The following SPATA31D1 variants were observed in gnomAD, a reference collection of about 807,000 sequenced individuals.
SPATA31D1 encodes spermatogenesis-associated protein 31D1.
A neutral mutation model predicts 13.2 loss-of-function variants in SPATA31D1; 6 were observed. The observed-to-expected ratio is 0.46, with a 90% CI of 0.25 to 0.90. SPATA31D1 has a LOEUF of 0.90. Ranked by LOEUF, SPATA31D1 falls within the 40% of genes least tolerant of loss-of-function variation. SPATA31D1 has a pLI of 0.18. For missense variants in SPATA31D1, 2,445 were observed against 1,884.7 expected, an observed-to-expected ratio of 1.30 and a Z score of -5.50; for synonymous variants, 903 against 718.8, an observed-to-expected ratio of 1.26 and a Z score of -4.10.
chr9:81,994,865 C>T lies in SPATA31D1; in HGVS notation c.4395C>T (p.Ser1465=), dbSNP rs761473977. ...QGCPCNYRAP[S]CKVTRTKSCS... ...GTCCCTGCAACTACAGGGCTCCCTC[C>T]TGCAAAGTGACACGTACCAAATCTT... The change falls in exon 4 of 4, where the codon TCC becomes TCT. Residue 1465 remains serine, a synonymous_variant. Coordinates refer to ENST00000344803, the MANE Select transcript of SPATA31D1 (RefSeq NM_001001670.3). The T allele has an allele frequency of 8.1e-6, 13 of 1,613,856 alleles. No homozygotes were observed. The highest frequency in any genetic ancestry group is 1.3e-5 in the African/African-American group (1 of 74,920).
chr9:81,989,709 AATG>A (rs1824914519), intron 1 of SPATA31D1, 66 bp from the exon 2 acceptor site: 1 of 1,498,176 alleles, frequency 6.7e-7, no homozygotes, highest in African/African-American at 1.4e-5. Context: ...TGAATGAATG[AATG>A]AATGAGCTTC....
chr9:81,988,834 T>C lies in SPATA31D1; in HGVS notation c.16T>C (p.Cys6Arg), dbSNP rs369117448. The change falls in exon 1 of 4, where the codon TGT becomes CGT. Residue 6 changes from cysteine to arginine, a missense_variant. By Grantham distance (180) the Cys-to-Arg change is radical. Transcript: ENST00000344803. ...TATTCAGACCATGGAGAATATCCTC[T>C]GTTTTCTGAACAGCTATACTGAGAC... MENIL[C>R]FLNSYTETGL... 106 of 1,612,724 alleles carry C rather than the reference T, an allele frequency of 6.6e-5. No individual in the cohort carries two copies. Among genetic ancestry groups the C allele is most frequent in the Non-Finnish European group, 8.6e-5 (101 of 1,179,732 alleles).
At chr9:81,989,692 G>A in intron 1 of SPATA31D1, 86 bp from the exon 2 acceptor site, 1 of 1,270,674 alleles carries the variant, frequency 7.9e-7, no homozygotes, top group Non-Finnish European at 1.1e-6. Flanking sequence ...TATAATGAAT[G>A]AATGAATGAA....
Position 81,994,607 on chromosome 9 carries a change from C to T in SPATA31D1, c.4137C>T (p.Ser1379=). The change falls in exon 4 of 4, where the codon AGC becomes AGT. Residue 1379 remains serine, a synonymous_variant. Coordinates refer to ENST00000344803, the MANE Select transcript of SPATA31D1 (RefSeq NM_001001670.3). ...EEQESSWEKG[S]SLSSCVQNIG... ...AAGAAAGTTCCTGGGAAAAGGGTAG[C>T]TCCCTGTCATCATGTGTGCAGAATA... 1 of 1,613,008 alleles carries T rather than the reference C, an allele frequency of 6.2e-7. No homozygotes were observed. Among genetic ancestry groups the T allele is most frequent in the Non-Finnish European group, 8.5e-7 (1 of 1,179,442 alleles).
At position 81,992,119 on chromosome 9, in the gene SPATA31D1, C is replaced by G; in HGVS notation, c.1649C>G (p.Pro550Arg). The change falls in exon 4 of 4, where the codon CCC (proline) becomes CGC (arginine). Residue 550 changes from proline to arginine, a missense_variant. Transcript: ENST00000344803. ...CATGAATCCCCAGTACTTCCCCCTC[C>G]CCAACCTCTGTCCTTGCCTAGTACC... ...ISHESPVLPP[P>R]QPLSLPSTQP... is the part of the protein sequence containing the mutation. 6 of 1,613,724 alleles carry G rather than the reference C, an allele frequency of 3.7e-6. No homozygotes were observed. Among genetic ancestry groups the G allele is most frequent in the Non-Finnish European group, 5.1e-6 (6 of 1,179,718 alleles).
chr9:81,992,669 T>C lies in SPATA31D1; in HGVS notation c.2199T>C (p.Asn733=). Residue 733 remains asparagine, a synonymous_variant, in exon 4 of 4, where the codon AAT becomes AAC. Transcript: ENST00000344803. ...SVSERIHGPL[N]ISLVEGQRCN... The stretch of plus-strand genomic sequence containing the variant: ...CAGAGAGAATTCATGGACCGTTAAA[T>C]ATCTCTTTGGTTGAGGGTCAGAGGT... 1 of 1,613,836 alleles carries C rather than the reference T, an allele frequency of 6.2e-7. No homozygotes were observed. The highest frequency in any genetic ancestry group is 1.7e-5 in the Admixed American group (1 of 60,022).
Position 81,991,640 on chromosome 9 carries a change from A to T in SPATA31D1, c.1170A>T (p.Leu390Phe). The change falls in exon 4 of 4, where the codon TTA becomes TTT. Residue 390 changes from leucine (L) to phenylalanine (F), a missense_variant. By Grantham distance (22) the Leu-to-Phe change is conservative. Transcript: ENST00000344803. ...CCCTTCATTCTTCTGAGGCCTTTTT[A>T]GGGGGGCACTCTGTGGCCAACCTCA... The part of the protein sequence containing the change: ...LLTLHSSEAF[L>F]GGHSVANLIE... 6.2e-7 allele frequency: 1 copy of T among 1,613,860 alleles called. No individual in the cohort carries two copies. The highest frequency in any genetic ancestry group is 8.5e-7 in the Non-Finnish European group (1 of 1,179,868).
chr9:81,990,968 T>C lies in SPATA31D1; in HGVS notation c.498T>C (p.Thr166=), dbSNP rs753217531. Residue 166 remains threonine, a synonymous_variant, in exon 4 of 4, where the codon ACT becomes ACC. Coordinates refer to ENST00000344803, the MANE Select transcript of SPATA31D1 (RefSeq NM_001001670.3). ...VSPLASSASA[T]ESSFTLASTP... ...CTTTGGCTTCTTCGGCTTCTGCGAC[T>C]GAGTCATCGTTCACTCTGGCTTCCA... 86 of 1,613,770 alleles carry C rather than the reference T, an allele frequency of 5.3e-5. No individual in the cohort carries two copies. Among genetic ancestry groups the C allele is most frequent in the Admixed American group, 5.0e-5 (3 of 59,996 alleles).
chr9:81,990,059 T>A, intron 2 of SPATA31D1: 4 of 535,480 alleles, frequency 7.5e-6, no homozygotes, highest in Non-Finnish European at 1.3e-5. Flanking sequence ...TGTTGCCCAA[T>A]TGGTGGCCAA....
rs905909716 is a variant in SPATA31D1, at chr9:81,989,112, G to A, written c.186+108G>A. 2.1e-5 allele frequency: 31 copies of A among 1,466,794 alleles called. No individual in the cohort carries two copies. The Middle Eastern group carries it at 7.6e-4, about 36-fold the overall frequency. The allele number at this position is 1,466,794 out of a possible 1,614,324, so 90.9% of individuals were successfully genotyped here. A position where few individuals can be genotyped will look rare whatever the true frequency, so the allele number is the denominator to read the frequency against. On this transcript the variant is annotated intron_variant, in intron 1 of 3. Transcript: ENST00000344803. ...GTTGGTACAGAGACATGTTTTAGAT[G>A]GGAAGTCTGAAGAGAGGATAGAACT...
rs1335054769 is a variant in SPATA31D1 at position 81,994,905 on chromosome 9, A to G, written c.4435A>G (p.Ile1479Val). ...TRTKSCSQQA[I>V]FVGQNYPTRI... ...TACCAAATCTTGCAGCCAACAAGCT[A>G]TCTTTGTTGGCCAGAATTATCCTAC... The change falls in exon 4 of 4, where the codon ATC becomes GTC. Residue 1479 changes from isoleucine (I) to valine (V), a missense_variant. By Grantham distance (29) the Ile-to-Val change is conservative. Coordinates refer to ENST00000344803, the MANE Select transcript of SPATA31D1 (RefSeq NM_001001670.3). The G allele has an allele frequency of 2.5e-6, 4 of 1,614,002 alleles. No individual in the cohort carries two copies. The highest frequency in any genetic ancestry group is 1.7e-5 in the Admixed American group (1 of 60,028).
Position 81,993,952 on chromosome 9 carries a change from T to C in SPATA31D1, c.3482T>C (p.Leu1161Ser). Residue 1161 changes from leucine (L) to serine (S), a missense_variant, in exon 4 of 4, where the codon TTG (leucine) becomes TCG (serine). Leu to Ser is a moderately radical substitution (Grantham distance 145). Coordinates refer to ENST00000344803, the MANE Select transcript of SPATA31D1 (RefSeq NM_001001670.3). ...CTTCAATCACAAACTAGGAACAACT[T>C]GACAACCAGCAAGTCAGGAAGCTGC... ...NALQSQTRNNLTTSKSGSCSL... is the reference protein window; with the variant it reads ...NALQSQTRNNSTTSKSGSCSL... The C allele has an allele frequency of 6.2e-7, 1 of 1,613,834 alleles. No homozygotes were observed. Among genetic ancestry groups the C allele is most frequent in the Non-Finnish European group, 8.5e-7 (1 of 1,179,758 alleles).
In SPATA31D1 at chr9:81,991,718, G is replaced by A; in HGVS notation, c.1248G>A (p.Glu416=). The A allele has an allele frequency of 6.2e-7, 1 of 1,613,712 alleles. No individual in the cohort carries two copies. The highest frequency in any genetic ancestry group is 1.3e-5 in the African/African-American group (1 of 74,986). Residue 416 remains glutamate (E), a synonymous_variant, in exon 4 of 4, where the codon GAG becomes GAA. Transcript: ENST00000344803. ...GCCATGACATTCTGGCACTCCTGGA[G>A]AGACAAGTCAAAAAAAGGGGTGATT... ...FLSHDILALL[E]RQVKKRGDFL...
At chr9:81,988,674 G>T (rs1824894219), upstream of SPATA31D1, 6 of 1,354,042 alleles carry the variant, frequency 4.4e-6, no homozygotes, top group African/African-American at 1.4e-5. Context: ...GGTTGGGGCT[G>T]TGGACACACC....
intron 3 of SPATA31D1, 117 bp from the exon 4 acceptor site, chr9:81,990,656 A>T: frequency 7.1e-7 from 1 of 1,401,848 alleles, no homozygotes; most frequent in Non-Finnish European, 9.7e-7. Context: ...AGGTCATAGG[A>T]CCTCATATAC....
At position 81,992,480 on chromosome 9, in the gene SPATA31D1, C is replaced by A. The variant is rs1824994274; in HGVS notation, c.2010C>A (p.Ile670=). 6.2e-7 allele frequency: 1 copy of A among 1,612,086 alleles called. No homozygotes were observed. Among genetic ancestry groups the A allele is most frequent in the African/African-American group, 1.3e-5 (1 of 75,004 alleles). ...VRKSFKVHVP[I]SIIPGDFPLS... ...AGTCCTTCAAGGTCCATGTTCCGATCTCCATCATTCCTGGAGATTTTCCAC... is the reference window on the plus strand; with the variant it reads ...AGTCCTTCAAGGTCCATGTTCCGATATCCATCATTCCTGGAGATTTTCCAC... Residue 670 remains isoleucine (I), a synonymous_variant, in exon 4 of 4, where the codon ATC becomes ATA. Transcript: ENST00000344803.
At chr9:81,987,515 GCCTCA>G (rs1296548763), upstream of SPATA31D1, among the ~76,000 whole-genome samples, 1 of 152,054 alleles carries the variant, frequency 6.6e-6, no homozygotes, top group Non-Finnish European at 1.5e-5. Context: ...ATAATAATTT[GCCTCA>G]ACTTCTTCCT....
chr9:81,992,455 A>C lies in SPATA31D1; in HGVS notation c.1985A>C (p.Lys662Thr). ...PPAPNPELVR[K>T]SFKVHVPISI... ...GCTCCCAATCCTGAATTGGTCAGAA[A>C]GTCCTTCAAGGTCCATGTTCCGATC... Residue 662 changes from lysine to threonine, a missense_variant, in exon 4 of 4, where the codon AAG (lysine) becomes ACG (threonine). Lys to Thr is a moderately conservative substitution (Grantham distance 78). Coordinates refer to ENST00000344803, the MANE Select transcript of SPATA31D1 (RefSeq NM_001001670.3). 6.2e-7 allele frequency: 1 copy of C among 1,612,412 alleles called. No homozygotes were observed. Among genetic ancestry groups the C allele is most frequent in the Non-Finnish European group, 8.5e-7 (1 of 1,179,720 alleles).
Position 81,992,627 on chromosome 9 carries a change from T to G in SPATA31D1, c.2157T>G (p.Ile719Met). Residue 719 changes from isoleucine to methionine, a missense_variant, in exon 4 of 4, where the codon ATT becomes ATG. Ile to Met is a conservative substitution (Grantham distance 10). Coordinates refer to ENST00000344803, the MANE Select transcript of SPATA31D1 (RefSeq NM_001001670.3). ...CATTGCTACGTCCTCAGAGCAAAATTTCAGAGCTATCTGTGTCAGAGAGAA... is the reference window on the plus strand; with the variant it reads ...CATTGCTACGTCCTCAGAGCAAAATGTCAGAGCTATCTGTGTCAGAGAGAA... ...SLSLLRPQSK[I>M]SELSVSERIH... 1.2e-6 allele frequency: 2 copies of G among 1,613,538 alleles called. No individual in the cohort carries two copies. The highest frequency in any genetic ancestry group is 1.7e-6 in the Non-Finnish European group (2 of 1,179,738).
Sources: gnomAD v4.1 joint callset for allele counts (sites outside exome capture counted in the v4.1 genomes callset) on GRCh38, gnomAD v4.1.1 for gene constraint, MANE v1.5 for transcripts, NCBI Gene and HGNC (gene_info 2026-07-23, HGNC 2026-07-21) for gene names.